DLGAP1: variants seen among roughly 807,000 people sequenced by gnomAD.
The protein encoded by DLGAP1 is disks large-associated protein 1.
Under a neutral mutation model 90.8 loss-of-function variants are expected in DLGAP1, and 11 were observed. The ratio of observed to expected loss-of-function variants is 0.12; its 90% CI spans 0.08 to 0.20. The LOEUF is 0.20. DLGAP1 is among the 10% of genes least tolerant of loss of function. The pLI, the probability that DLGAP1 is intolerant of heterozygous loss-of-function variation, is 1.00. For missense variants in DLGAP1, 1,050 were observed against 1,333.8 expected (o/e 0.79, Z 3.31); for synonymous variants, 558 against 540.7 (o/e 1.03, Z -0.44).
At chr18:3,600,809 G>GATATATATAGATATATAT (rs1568278295) in intron 7 of DLGAP1, among the ~76,000 whole-genome samples, 14 of 47,530 alleles carry the variant, frequency 2.9e-4, no homozygotes, top group Non-Finnish European at 4.7e-4. Flanking sequence ...TAGATATATA[G>GATATATATAGATATATAT]ATATATATAG....
intron 1 of DLGAP1, among the ~76,000 whole-genome samples, chr18:4,369,588 G>A (rs939753108): frequency 1.1e-4 from 16 of 151,706 alleles, no homozygotes; most frequent in Non-Finnish European, 1.9e-4. Context: ...AGCCAGGTAC[G>A]CAATGTGAAA....
chr18:4,361,445 A>C (rs1379708852), intron 1 of DLGAP1, among the ~76,000 whole-genome samples: 1 of 152,202 alleles, frequency 6.6e-6, no homozygotes, highest in Non-Finnish European at 1.5e-5. Context: ...TCAGAAATAA[A>C]TCTTTACATT....
rs79778900 is a variant in DLGAP1 at position 3,916,287 on chromosome 18, G to A, written c.-72-36147C>T. Among the ~76,000 whole-genome samples, 156 of 152,238 alleles carry A rather than the reference G, an allele frequency of 1.0e-3. 4 individuals are homozygous for A. The East Asian group carries it at 0.027, about 26-fold the overall frequency. On this transcript the variant is annotated intron_variant, in intron 3 of 12. Coordinates refer to ENST00000315677, the MANE Select transcript of DLGAP1 (RefSeq NM_004746.4). ...TCGGAGAACAGAGCAGCATATGGAC[G>A]GCTTGGGCTCCCTGCCATCTGTCAA...
chr18:4,203,264 T>G (rs1463520249), intron 1 of DLGAP1, among the ~76,000 whole-genome samples: 5 of 134,726 alleles, frequency 3.7e-5, no homozygotes, highest in African/African-American at 1.5e-4. Context: ...AACAGAGAGA[T>G]TAAAAAAAAA....
At chr18:3,658,746 T>C (rs569604395) in intron 7 of DLGAP1, among the ~76,000 whole-genome samples, 30 of 152,352 alleles carry the variant, frequency 2.0e-4, no homozygotes, top group Middle Eastern at 3.4e-3. Context: ...AGAATTCTTA[T>C]ATACATCAGA....
intron 1 of DLGAP1, among the ~76,000 whole-genome samples, chr18:4,199,163 C>T (rs1425772319): frequency 2.0e-5 from 3 of 152,194 alleles, no homozygotes; most frequent in East Asian, 3.9e-4. Flanking sequence ...GCAAGCTGCT[C>T]GGGGAGCCAG....
At chr18:3,796,670 C>G (rs1413263209) in intron 5 of DLGAP1, among the ~76,000 whole-genome samples, 1 of 152,178 alleles carries the variant, frequency 6.6e-6, no homozygotes, top group Non-Finnish European at 1.5e-5. Flanking sequence ...AGCCACTGAG[C>G]TAAGAGCTGA....
chr18:4,053,146 A>G (rs2075160553), intron 2 of DLGAP1, among the ~76,000 whole-genome samples: 1 of 152,222 alleles, frequency 6.6e-6, no homozygotes, highest in African/African-American at 2.4e-5. Context: ...CCAATTTACT[A>G]TATTAATCTG....
intron 7 of DLGAP1, among the ~76,000 whole-genome samples, chr18:3,612,458 G>A (rs1197652264): frequency 6.6e-6 from 1 of 152,160 alleles, no homozygotes; most frequent in Non-Finnish European, 1.5e-5. Flanking sequence ...CAGGGGACCC[G>A]TGGCCCTTGT....
intron 8 of DLGAP1, among the ~76,000 whole-genome samples, chr18:3,581,293 G>A (rs2055494771): frequency 6.6e-6 from 1 of 152,110 alleles, no homozygotes; most frequent in Non-Finnish European, 1.5e-5. Flanking sequence ...CCTCCTCCCT[G>A]TCTTCTCTGA....
In DLGAP1 at chr18:3,858,055, G is replaced by A. The variant is rs138427071; in HGVS notation, c.957+21057C>T. On this transcript the variant is annotated intron_variant, in intron 4 of 12. Transcript: ENST00000315677. Reference sequence around the variant, plus strand: ...TCTGAATAAATGAACATTTGCCTACGGGATATCTTCAACTGAATAGGCTTC... The same window carrying A: ...TCTGAATAAATGAACATTTGCCTACAGGATATCTTCAACTGAATAGGCTTC... 3.9e-5 allele frequency among the ~76,000 whole-genome samples: 6 copies of A among 152,114 alleles called. No individual in the cohort carries two copies. In the East Asian group the frequency reaches 1.2e-3, roughly 29 times the overall value.
intron 4 of DLGAP1, among the ~76,000 whole-genome samples, chr18:3,869,770 A>G (rs944900443): frequency 3.9e-5 from 6 of 152,244 alleles, no homozygotes; most frequent in African/African-American, 9.6e-5. Context: ...AGTGAAATAC[A>G]AAGGAAAAAG....
At chr18:4,253,941 T>C (rs2078834215) in intron 1 of DLGAP1, among the ~76,000 whole-genome samples, 1 of 152,194 alleles carries the variant, frequency 6.6e-6, no homozygotes, top group South Asian at 2.1e-4. Context: ...TTTGGCAGCC[T>C]GAGACTGCCA....
rs76158315 is a variant in DLGAP1, at chr18:3,855,550, A to AGGT, written c.957+23559_957+23561dup. 3.2e-3 allele frequency among the ~76,000 whole-genome samples: 488 copies of AGGT among 152,334 alleles called. 19 individuals are homozygous for AGGT. The East Asian group carries it at 0.085, about 26-fold the overall frequency. On this transcript the variant is annotated intron_variant, in intron 4 of 12. Transcript: ENST00000315677. ...AGGAATGCCATGTGGAGGAGTAATT[A>AGGT]GGTATATTTCCTGTTGTTTTACAAT...
chr18:3,641,294 T>C (rs1231190867), intron 7 of DLGAP1, among the ~76,000 whole-genome samples: 2 of 151,848 alleles, frequency 1.3e-5, no homozygotes, highest in African/African-American at 4.8e-5. Flanking sequence ...ATGCCTGTAA[T>C]CCCAGAAATT....
At position 3,729,347 on chromosome 18, in the gene DLGAP1, A is replaced by T; in HGVS notation, c.1379T>A (p.Phe460Tyr). 6.2e-7 allele frequency: 1 copy of T among 1,613,722 alleles called. No individual in the cohort carries two copies. The change falls in exon 7 of 13, where the codon TTC (phenylalanine) becomes TAC (tyrosine). Residue 460 changes from phenylalanine to tyrosine, a missense_variant. Coordinates refer to ENST00000315677, the MANE Select transcript of DLGAP1 (RefSeq NM_004746.4). The surrounding 1 kb of genome is among the most constrained non-coding windows in gnomAD (Gnocchi z 6.2). ...QVSEMEVNGQ[F>Y]ESVCESVFSE... The stretch of plus-strand genomic sequence containing the variant: ...GAACACGGACTCGCACACGGACTCG[A>T]ACTGCCCGTTCACTTCCATCTCGCT...
rs530937321 is a variant in DLGAP1 at position 4,195,558 on chromosome 18, A to AT, written c.-266-44272dup. On this transcript the variant is annotated intron_variant, in intron 1 of 12. Coordinates refer to ENST00000315677, the MANE Select transcript of DLGAP1 (RefSeq NM_004746.4). The stretch of plus-strand genomic sequence containing the variant: ...ACAGATGACTACTTTTTATCTATTT[A>AT]TTTTTTTTTTGAGATGGAGTTTCGC... Among the ~76,000 whole-genome samples, 381 of 149,610 alleles carry AT rather than the reference A, an allele frequency of 2.5e-3. 3 individuals are homozygous for AT. Among genetic ancestry groups the AT allele is most frequent in the African/African-American group, 7.5e-3 (308 of 40,824 alleles).
At chr18:4,191,331 A>G (rs2077396159) in intron 1 of DLGAP1, among the ~76,000 whole-genome samples, 1 of 152,194 alleles carries the variant, frequency 6.6e-6, no homozygotes, top group Non-Finnish European at 1.5e-5. Flanking sequence ...TTCTTTATAT[A>G]CATTTTCCTT....
Position 3,517,204 on chromosome 18 carries a change from G to A in DLGAP1, c.2480-8543C>T, listed in dbSNP as rs951262571. Among the ~76,000 whole-genome samples, 4 of 152,248 alleles carry A rather than the reference G, an allele frequency of 2.6e-5. No homozygotes were observed. Among genetic ancestry groups the A allele is most frequent in the South Asian group, 2.1e-4 (1 of 4,818 alleles). On this transcript the variant is annotated intron_variant, in intron 10 of 12. Transcript: ENST00000315677. The surrounding 1 kb of genome is among the most constrained non-coding windows in gnomAD (Gnocchi z 4.1). ...AGAATGGTAAATGAGCTTTGGCTTC[G>A]ACTTCAAGTCACCAGGTGCCTGAGC... is the stretch of plus-strand genomic sequence containing the variant.
Sources: gnomAD v4.1 joint callset for allele counts (sites outside exome capture counted in the v4.1 genomes callset) on GRCh38, gnomAD v4.1.1 for gene constraint, Gnocchi (gnomAD v3.1) non-coding constraint, MANE v1.5 for transcripts, NCBI Gene and HGNC (gene_info 2026-07-23, HGNC 2026-07-21) for gene names.